SNTB1: variants seen among roughly 807,000 people sequenced by gnomAD.
SNTB1 encodes the protein syntrophin beta 1.
Under a neutral mutation model 48.9 loss-of-function variants are expected in SNTB1, and 36 were observed. The observed-to-expected ratio is 0.74, with a 90% CI of 0.56 to 0.97. The LOEUF (loss-of-function observed/expected upper bound fraction) is 0.97, where lower values mean the gene tolerates loss of function less well. SNTB1 is among the 50% of genes least tolerant of loss of function. The pLI is 0.00. For synonymous variants in SNTB1, 299 were observed against 294.6 expected (o/e 1.01, Z -0.15); for missense variants, 786 against 703.4 (o/e 1.12, Z -1.33).
At chr8:120,705,841 G>A (rs1169815658) in intron 1 of SNTB1, among the ~76,000 whole-genome samples, 1 of 152,074 alleles carries the variant, frequency 6.6e-6, no homozygotes, top group East Asian at 1.9e-4. Context: ...AAGCTATCTG[G>A]GTCTTAGAAT....
chr8:120,710,799 A>G (rs1009315489), intron 1 of SNTB1, among the ~76,000 whole-genome samples: 4 of 152,234 alleles, frequency 2.6e-5, no homozygotes, highest in African/African-American at 9.6e-5. Context: ...CTCCAGAACC[A>G]TAAGAAATAA....
intron 1 of SNTB1, among the ~76,000 whole-genome samples, chr8:120,803,432 G>T (rs991934611): frequency 6.6e-6 from 1 of 152,154 alleles, no homozygotes; most frequent in Admixed American, 6.5e-5. Flanking sequence ...TGGGTAATGA[G>T]GTTTGGTATA....
At chr8:120,602,840 G>T (rs1816444008) in intron 3 of SNTB1, among the ~76,000 whole-genome samples, 1 of 151,072 alleles carries the variant, frequency 6.6e-6, no homozygotes, top group South Asian at 2.1e-4. Context: ...CATTTTAAAT[G>T]TCAATTCTGT....
chr8:120,622,496 C>T (rs1816809709), intron 3 of SNTB1, among the ~76,000 whole-genome samples: 2 of 151,842 alleles, frequency 1.3e-5, no homozygotes, highest in Non-Finnish European at 2.9e-5. Context: ...AATAAAAAGC[C>T]CAAACCAAAC....
intron 2 of SNTB1, among the ~76,000 whole-genome samples, chr8:120,650,689 A>G (rs34522713): frequency 0.24 from 36,674 of 152,084 alleles, 4,597 homozygotes; most frequent in Middle Eastern, 0.32. Context: ...CTTCAGATAC[A>G]CGCATTTTGA....
intron 2 of SNTB1, among the ~76,000 whole-genome samples, chr8:120,680,802 A>T (rs1424913302): frequency 6.6e-6 from 1 of 152,222 alleles, no homozygotes; most frequent in Non-Finnish European, 1.5e-5. Context: ...TAGTGAGTCA[A>T]GATTAGCAAA....
chr8:120,549,035 C>A (rs967307179), intron 4 of SNTB1, 77 bp from the exon 5 acceptor site: 1 of 1,211,628 alleles, frequency 8.3e-7, no homozygotes, highest in East Asian at 2.4e-5. Context: ...GTATAAGACC[C>A]AAATTGGTGA....
At chr8:120,673,870 G>T (rs1342112676) in intron 2 of SNTB1, among the ~76,000 whole-genome samples, 1 of 152,100 alleles carries the variant, frequency 6.6e-6, no homozygotes, top group South Asian at 2.1e-4. Flanking sequence ...TAAAATATCT[G>T]CCACATGGAA....
intron 3 of SNTB1, among the ~76,000 whole-genome samples, chr8:120,601,156 C>G (rs1403340304): frequency 6.6e-6 from 1 of 152,046 alleles, no homozygotes; most frequent in African/African-American, 2.4e-5. Context: ...AACACTTTCA[C>G]TCTGCGGAAT....
chr8:120,592,223 C>T (rs994490352), intron 3 of SNTB1, among the ~76,000 whole-genome samples: 15 of 152,168 alleles, frequency 9.9e-5, no homozygotes, highest in Non-Finnish European at 1.3e-4. Context: ...GCTCTGTCAC[C>T]CAGGCTGGAG....
At chr8:120,676,696 C>T (rs533142713) in intron 2 of SNTB1, among the ~76,000 whole-genome samples, 22 of 152,208 alleles carry the variant, frequency 1.4e-4, no homozygotes, top group Admixed American at 3.3e-4. Context: ...CAGAGCACAA[C>T]AGAAATAGCT....
intron 4 of SNTB1, among the ~76,000 whole-genome samples, chr8:120,551,861 A>C (rs998543196): frequency 2.6e-5 from 4 of 152,200 alleles, no homozygotes; most frequent in African/African-American, 4.8e-5. Flanking sequence ...CATTTTAAAA[A>C]TATAATACCT....
intron 3 of SNTB1, among the ~76,000 whole-genome samples, chr8:120,581,849 T>C (rs926599052): frequency 2.0e-5 from 3 of 152,096 alleles, no homozygotes; most frequent in African/African-American, 7.2e-5. Flanking sequence ...TTTGCCAGCC[T>C]GGCCAACAAG....
At chr8:120,635,162 C>A (rs1817053919) in intron 2 of SNTB1, among the ~76,000 whole-genome samples, 1 of 152,124 alleles carries the variant, frequency 6.6e-6, no homozygotes, top group South Asian at 2.1e-4. Flanking sequence ...TGACAACTGT[C>A]CTCGCGCAGA....
chr8:120,540,123 T>C (rs1176058663), intron 6 of SNTB1, among the ~76,000 whole-genome samples: 4 of 152,136 alleles, frequency 2.6e-5, no homozygotes, highest in Non-Finnish European at 5.9e-5. Context: ...GAGACTGAGA[T>C]AGAAAGAAAC....
intron 1 of SNTB1, among the ~76,000 whole-genome samples, chr8:120,785,433 G>A (rs942868352): frequency 1.1e-4 from 17 of 152,160 alleles, no homozygotes; most frequent in African/African-American, 4.1e-4. Flanking sequence ...CAAATGCGTG[G>A]GAGCTGAGTG....
chr8:120,685,060 C>G (rs1463834180), intron 2 of SNTB1, among the ~76,000 whole-genome samples: 1 of 152,264 alleles, frequency 6.6e-6, no homozygotes, highest in East Asian at 1.9e-4. Context: ...GGTAGCCCTG[C>G]TCTTCATGGC....
At chr8:120,616,297 GAT>G (rs1491517608) in intron 3 of SNTB1, among the ~76,000 whole-genome samples, 5 of 107,004 alleles carry the variant, frequency 4.7e-5, no homozygotes, top group Non-Finnish European at 9.6e-5. Flanking sequence ...AGATTAGCTT[GAT>G]TTTTTTTTTT....
intron 5 of SNTB1, among the ~76,000 whole-genome samples, chr8:120,545,021 A>G (rs1271435649): frequency 6.6e-6 from 1 of 152,160 alleles, no homozygotes; most frequent in African/African-American, 2.4e-5. Flanking sequence ...ACCCTACTAC[A>G]TGTTAACACA....
Sources: gnomAD v4.1 joint callset for allele counts (sites outside exome capture counted in the v4.1 genomes callset) on GRCh38, gnomAD v4.1.1 for gene constraint, MANE v1.5 for transcripts, NCBI Gene and HGNC (gene_info 2026-07-23, HGNC 2026-07-21) for gene names.